Variants in CERK observed in about 807,000 individuals in gnomAD.
CERK encodes the protein acylsphingosine kinase.
In CERK, 39 loss-of-function variants were observed where a neutral mutation model predicts 63.4. The observed-to-expected ratio is 0.61, with a 90% CI of 0.48 to 0.80. The LOEUF is 0.80. Ranked by LOEUF, CERK falls within the 30% of genes least tolerant of loss-of-function variation. CERK has a pLI of 0.00. For missense variants in CERK, 670 were observed against 714.1 expected (o/e 0.94, Z 0.70); for synonymous variants, 302 against 280.0 (o/e 1.08, Z -0.78).
chr22:46,725,520 C>T (rs1601728412), intron 1 of CERK, among the ~76,000 whole-genome samples: 1 of 152,284 alleles, frequency 6.6e-6, no homozygotes, highest in East Asian at 1.9e-4. Context: ...ACAGCATCCG[C>T]GGGAGAAAAC....
chr22:46,689,269 G>A (rs135669), intron 12 of CERK, among the ~76,000 whole-genome samples: 25,999 of 152,326 alleles, frequency 0.17, 2,747 homozygotes, highest in East Asian at 0.35. Flanking sequence ...CTCCCTGCAC[G>A]GAGCACCTGC....
intron 1 of CERK, among the ~76,000 whole-genome samples, chr22:46,723,294 T>C (rs1479596069): frequency 6.6e-6 from 1 of 152,208 alleles, no homozygotes; most frequent in Non-Finnish European, 1.5e-5. Context: ...AATTCAATAT[T>C]GTCTGCACAG....
Position 46,691,597 on chromosome 22 carries a change from A to G in CERK, c.1307T>C (p.Ile436Thr). The G allele has an allele frequency of 6.2e-7, 1 of 1,613,938 alleles. No individual in the cohort carries two copies. The highest frequency in any genetic ancestry group is 8.5e-7 in the Non-Finnish European group (1 of 1,180,008). Residue 436 changes from isoleucine to threonine, a missense_variant, in exon 11 of 13, where the codon ATC (isoleucine) becomes ACC (threonine). Physicochemically the swap from Ile to Thr is moderately conservative, Grantham distance 89. Transcript: ENST00000216264. ...CSRFNFLRFL[I>T]RHTNQQDQFD... Reference sequence around the variant, plus strand: ...CTGGTCCTGCTGGTTGGTGTGCCTGATGAGAAATCTCAGAAAATTGAACCT... The same window carrying G: ...CTGGTCCTGCTGGTTGGTGTGCCTGGTGAGAAATCTCAGAAAATTGAACCT...
In CERK at chr22:46,707,824, T is replaced by G. The variant is rs1244077679; in HGVS notation, c.715+19A>C. 1.9e-6 allele frequency: 3 copies of G among 1,594,696 alleles called. No individual in the cohort carries two copies. Among genetic ancestry groups the G allele is most frequent in the Non-Finnish European group, 2.6e-6 (3 of 1,167,038 alleles). On this transcript the variant is annotated intron_variant, in intron 6 of 12. Transcript: ENST00000216264. ...GGACGGGAACGAAGAGAACAGAGAA[T>G]GCCAGGCCGGCTCCATACCTGCGGG...
chr22:46,706,849 T>C (rs922222331), intron 6 of CERK, among the ~76,000 whole-genome samples: 3 of 152,152 alleles, frequency 2.0e-5, no homozygotes, highest in Admixed American at 1.3e-4. Context: ...CCTCACACCA[T>C]TATTCACAAG....
chr22:46,685,334 G>A lies in CERK; in HGVS notation c.*1800C>T, dbSNP rs2082694788. On this transcript the variant is annotated 3_prime_UTR_variant, in exon 13 of 13. Coordinates refer to ENST00000216264, the MANE Select transcript of CERK (RefSeq NM_022766.6). Reference sequence around the variant, plus strand: ...GATCCACCCGCCTCGGCCTCCCAAAGTGCTGGGATTACAGGCGTGAGCCAC... The same window carrying A: ...GATCCACCCGCCTCGGCCTCCCAAAATGCTGGGATTACAGGCGTGAGCCAC... 6.6e-6 allele frequency: 1 copy of A among 152,432 alleles called. No homozygotes were observed. Among genetic ancestry groups the A allele is most frequent in the Non-Finnish European group, 1.5e-5 (1 of 68,182 alleles). 9.4% of individuals were successfully genotyped at this position (152,432 alleles called of 1,614,324 possible).
intron 1 of CERK, among the ~76,000 whole-genome samples, chr22:46,733,533 A>G (rs2082956680): frequency 6.6e-6 from 1 of 151,002 alleles, no homozygotes; most frequent in African/African-American, 2.4e-5. Context: ...ACATCAAGTG[A>G]TCCACCCGCC....
At chr22:46,689,583 A>AGGCTGGT (rs1281411540) in intron 12 of CERK, among the ~76,000 whole-genome samples, 1 of 152,098 alleles carries the variant, frequency 6.6e-6, no homozygotes, top group Non-Finnish European at 1.5e-5. Flanking sequence ...CATGTTGGCG[A>AGGCTGGT]GGCTGGTCTT....
intron 1 of CERK, among the ~76,000 whole-genome samples, chr22:46,726,537 C>T (rs531179476): frequency 2.6e-4 from 39 of 152,294 alleles, no homozygotes; most frequent in East Asian, 1.7e-3. Context: ...CCAAGAGATC[C>T]GAGTGGCTGG....
intron 8 of CERK, among the ~76,000 whole-genome samples, chr22:46,695,892 AG>A (rs1336957820): frequency 6.6e-6 from 1 of 152,108 alleles, no homozygotes; most frequent in Non-Finnish European, 1.5e-5. Flanking sequence ...ACCACCCAGC[AG>A]GACAGCAGGG....
intron 11 of CERK, 136 bp downstream of exon 11, chr22:46,691,436 T>C (rs1601708386): frequency 1.4e-6 from 1 of 702,830 alleles, no homozygotes; most frequent in East Asian, 2.8e-5. Flanking sequence ...GTTTAAAGTT[T>C]GTGAAATTAA....
intron 1 of CERK, among the ~76,000 whole-genome samples, chr22:46,724,830 T>C (rs746333285): frequency 7.9e-5 from 12 of 152,128 alleles, no homozygotes; most frequent in Middle Eastern, 3.4e-3. Flanking sequence ...CCACCCTGGC[T>C]AACATGGTGA....
At chr22:46,716,796 G>C (rs1193702735) in intron 3 of CERK, among the ~76,000 whole-genome samples, 3 of 151,814 alleles carry the variant, frequency 2.0e-5, no homozygotes, top group African/African-American at 7.3e-5. Context: ...AAAAAAACTA[G>C]CCAGGCGTGG....
chr22:46,698,146 G>T (rs2082765375), intron 8 of CERK, among the ~76,000 whole-genome samples: 1 of 152,274 alleles, frequency 6.6e-6, no homozygotes, highest in Non-Finnish European at 1.5e-5. Context: ...AAGAAAGAGT[G>T]AGGCAGGATG....
At chr22:46,725,096 G>C (rs1487921762) in intron 1 of CERK, among the ~76,000 whole-genome samples, 1 of 152,036 alleles carries the variant, frequency 6.6e-6, no homozygotes, top group Non-Finnish European at 1.5e-5. Flanking sequence ...CATTGTCCCT[G>C]TGTTAAGCTG....
At chr22:46,690,911 C>T in intron 11 of CERK, among the ~76,000 whole-genome samples, 1 of 152,038 alleles carries the variant, frequency 6.6e-6, no homozygotes, top group Non-Finnish European at 1.5e-5. Flanking sequence ...AGATTCATAC[C>T]TCTTAGTTTC....
rs1357385838 is a variant in CERK at position 46,699,374 on chromosome 22, C to A, written c.882G>T (p.Gly294=). Residue 294 remains glycine (G), a synonymous_variant, in exon 8 of 13, where the codon GGG becomes GGT. Coordinates refer to ENST00000216264, the MANE Select transcript of CERK (RefSeq NM_022766.6). ...TCTTCTCACTGTCCTTGATGATGTC[C>A]CCGTAGAAGCCGTAGCCCAGCAGGG... ...SVSLLGYGFY[G]DIIKDSEKKR... The A allele has an allele frequency of 6.2e-7, 1 of 1,614,036 alleles. No individual in the cohort carries two copies. Among genetic ancestry groups the A allele is most frequent in the Non-Finnish European group, 8.5e-7 (1 of 1,180,030 alleles).
chr22:46,729,364 T>C (rs184347674), intron 1 of CERK, among the ~76,000 whole-genome samples: 1 of 151,986 alleles, frequency 6.6e-6, no homozygotes, highest in Admixed American at 6.6e-5. Flanking sequence ...ATAAATAAAT[T>C]AATTAATTTA....
chr22:46,692,142 A>G (rs2082734723), intron 10 of CERK, among the ~76,000 whole-genome samples: 1 of 152,202 alleles, frequency 6.6e-6, no homozygotes, highest in African/African-American at 2.4e-5. Context: ...AATCCTTGAA[A>G]AAGGTCTGGC....
Sources: allele counts gnomAD v4.1 joint callset (sites outside exome capture counted in the v4.1 genomes callset), GRCh38; gene constraint gnomAD v4.1.1; transcripts MANE v1.5; gene names NCBI Gene and HGNC (gene_info 2026-07-23, HGNC 2026-07-21).